The following PRTG variants were observed in gnomAD, a reference collection of about 807,000 sequenced individuals.
PRTG encodes the protein protogenin.
Under a neutral mutation model 122.5 loss-of-function variants are expected in PRTG, and 67 were observed. The ratio of observed to expected loss-of-function variants is 0.55; its 90% CI spans 0.45 to 0.67. The LOEUF (loss-of-function observed/expected upper bound fraction) is 0.67, where lower values mean the gene tolerates loss of function less well. Among genes scored for constraint, PRTG ranks in the 30% least tolerant of loss-of-function variants. The pLI is 0.00. For missense variants in PRTG, 1,435 were observed against 1,415.4 expected (o/e 1.01, Z -0.22); for synonymous variants, 554 against 501.1 (o/e 1.11, Z -1.41).
At chr15:55,728,071 G>T (rs982907813) in intron 2 of PRTG, among the ~76,000 whole-genome samples, 1 of 151,956 alleles carries the variant, frequency 6.6e-6, no homozygotes, top group Admixed American at 6.6e-5. Flanking sequence ...TCACCATGTT[G>T]CCCAGGCTGG....
chr15:55,689,026 C>T (rs1038238006), intron 2 of PRTG, among the ~76,000 whole-genome samples: 6 of 152,178 alleles, frequency 3.9e-5, no homozygotes, highest in African/African-American at 9.7e-5. Flanking sequence ...CTCCTAAACA[C>T]GTGTCAAATC....
intron 11 of PRTG, among the ~76,000 whole-genome samples, chr15:55,646,940 C>G (rs757184556): frequency 1.4e-4 from 21 of 152,194 alleles, no homozygotes; most frequent in South Asian, 6.2e-4. Context: ...CTGGTCTAAC[C>G]CTCCTTCCAA....
intron 15 of PRTG, among the ~76,000 whole-genome samples, chr15:55,630,778 C>T (rs1215026760): frequency 6.6e-6 from 1 of 152,102 alleles, no homozygotes; most frequent in Non-Finnish European, 1.5e-5. Context: ...GAAATTCAAC[C>T]AGAAAGTTGT....
chr15:55,678,249 G>A (rs374408339), intron 7 of PRTG, among the ~76,000 whole-genome samples: 3 of 152,186 alleles, frequency 2.0e-5, no homozygotes, highest in African/African-American at 7.2e-5. Context: ...TTCTGTTGTT[G>A]TTGTTTTAAA....
rs1054913932 is a variant in PRTG at position 55,614,814 on chromosome 15, T to A, written c.*5198A>T. On this transcript the variant is annotated 3_prime_UTR_variant, in exon 20 of 20. Coordinates refer to ENST00000389286, the MANE Select transcript of PRTG (RefSeq NM_173814.6). The stretch of plus-strand genomic sequence containing the variant: ...GGGGCACATGACCTCAGATTTCCAA[T>A]CTCTTTAATGCTACAGACATTTTAC... 1 of 152,222 alleles carries A rather than the reference T, an allele frequency of 6.6e-6. No individual in the cohort carries two copies. The highest frequency in any genetic ancestry group is 6.5e-5 in the Admixed American group (1 of 15,276). The allele number at this position is 152,222 out of a possible 1,614,324, so 9.4% of individuals were successfully genotyped here.
At chr15:55,640,106 G>T (rs2059281312) in intron 12 of PRTG, 1 of 315,348 alleles carries the variant, frequency 3.2e-6, no homozygotes, top group Non-Finnish European at 4.6e-6. Flanking sequence ...TTCTGTGGCT[G>T]TCAGAGTGCA....
At position 55,615,395 on chromosome 15, in the gene PRTG, C is replaced by T. The variant is rs927749957; in HGVS notation, c.*4617G>A. The T allele has an allele frequency of 1.1e-4, 17 of 152,044 alleles. No individual in the cohort carries two copies. Among genetic ancestry groups the T allele is most frequent in the African/African-American group, 4.1e-4 (17 of 41,406 alleles). 9.4% of individuals were successfully genotyped at this position (152,044 alleles called of 1,614,324 possible). A position where few individuals can be genotyped will look rare whatever the true frequency, so the allele number is the denominator to read the frequency against. ...AGACTGTCATGTTAATCTTAAACACCATCAACGGCTTAAAAAGGGAAATTG... is the reference window on the plus strand; with the variant it reads ...AGACTGTCATGTTAATCTTAAACACTATCAACGGCTTAAAAAGGGAAATTG... On this transcript the variant is annotated 3_prime_UTR_variant, in exon 20 of 20. Transcript: ENST00000389286.
chr15:55,620,381 CG>C, intron 19 of PRTG, 115 bp from the exon 20 acceptor site: 1 of 1,503,688 alleles, frequency 6.7e-7, no homozygotes, highest in South Asian at 1.4e-5. Flanking sequence ...CCGTGGCAAG[CG>C]AAGTGTCAAA....
intron 2 of PRTG, among the ~76,000 whole-genome samples, chr15:55,736,585 C>T (rs945069705): frequency 1.3e-5 from 2 of 151,948 alleles, no homozygotes; most frequent in Admixed American, 1.3e-4. Flanking sequence ...AACCTATACC[C>T]TTTTAATGGA....
intron 2 of PRTG, among the ~76,000 whole-genome samples, chr15:55,692,184 C>G (rs2059606912): frequency 6.6e-6 from 1 of 152,046 alleles, no homozygotes; most frequent in Non-Finnish European, 1.5e-5. Flanking sequence ...ATCAGTTTTT[C>G]CTTTGTTGTT....
chr15:55,693,429 C>G (rs2059615896), intron 2 of PRTG, among the ~76,000 whole-genome samples: 1 of 151,214 alleles, frequency 6.6e-6, no homozygotes. Flanking sequence ...GCTCTCCAGC[C>G]TGGGCAACAA....
At position 55,638,614 on chromosome 15, in the gene PRTG, C is replaced by T. The variant is rs750688796; in HGVS notation, c.2387G>A (p.Arg796Gln). The change falls in exon 14 of 20, where the codon CGA becomes CAA. Residue 796 changes from arginine (R) to glutamine (Q), a missense_variant. Transcript: ENST00000389286. ...ACTGGAAAGCTGATCCACATGTAATCGAACGGCAAATTCGTATTTGGTGTT... is the reference window on the plus strand; with the variant it reads ...ACTGGAAAGCTGATCCACATGTAATTGAACGGCAAATTCGTATTTGGTGTT... ...EPNTKYEFAV[R>Q]LHVDQLSSPW... is the part of the protein sequence containing the mutation. The T allele has an allele frequency of 1.8e-5, 29 of 1,613,220 alleles. No individual in the cohort carries two copies. Among genetic ancestry groups the T allele is most frequent in the East Asian group, 6.7e-5 (3 of 44,834 alleles).
intron 2 of PRTG, among the ~76,000 whole-genome samples, chr15:55,689,991 A>G (rs2141826826): frequency 6.6e-6 from 1 of 152,326 alleles, no homozygotes; most frequent in South Asian, 2.1e-4. Flanking sequence ...TTATGGCAAC[A>G]TGCGATAGTA....
chr15:55,732,219 T>G (rs566977942), intron 2 of PRTG, among the ~76,000 whole-genome samples: 44 of 152,316 alleles, frequency 2.9e-4, no homozygotes, highest in African/African-American at 1.0e-3. Context: ...GACAGAGTCT[T>G]ACTCTGTCAC....
chr15:55,657,610 G>A (rs2059387482), intron 11 of PRTG, among the ~76,000 whole-genome samples: 1 of 152,128 alleles, frequency 6.6e-6, no homozygotes, highest in African/African-American at 2.4e-5. Context: ...ATGTATCTGG[G>A]ATTTTAATTA....
intron 15 of PRTG, among the ~76,000 whole-genome samples, chr15:55,630,413 G>A (rs561505820): frequency 1.4e-4 from 22 of 152,206 alleles, no homozygotes; most frequent in South Asian, 4.2e-4. Context: ...GTGAGTCACC[G>A]CACCCAGCCT....
rs35216342 is a variant in PRTG, at chr15:55,708,148, TAAAA to T, written c.398-24221_398-24218del. Among the ~76,000 whole-genome samples, 110 of 70,006 alleles carry T rather than the reference TAAAA, an allele frequency of 1.6e-3. 1 individual carries two copies. The highest frequency in any genetic ancestry group is 4.3e-3 in the African/African-American group (69 of 15,998). 45.9% of individuals were successfully genotyped at this position (70,006 alleles called of 152,430 possible). A position where few individuals can be genotyped will look rare whatever the true frequency, so the allele number is the denominator to read the frequency against. On this transcript the variant is annotated intron_variant, in intron 2 of 19. Transcript: ENST00000389286. ...CCTGTGGAAAGGAGGAGTAAGCTGGTAAAAAAAAAAAAAAAAAAAAAAAAAAAAA... is the reference window on the plus strand; with the variant it reads ...CCTGTGGAAAGGAGGAGTAAGCTGGTAAAAAAAAAAAAAAAAAAAAAAAAA...
chr15:55,628,676 T>A, intron 16 of PRTG, 146 bp downstream of exon 16: 1 of 601,114 alleles, frequency 1.7e-6, no homozygotes, highest in South Asian at 3.5e-5. Context: ...GCCATGCAAC[T>A]CTATAACATC....
At chr15:55,644,738 T>C (rs2059310962) in intron 11 of PRTG, among the ~76,000 whole-genome samples, 1 of 152,004 alleles carries the variant, frequency 6.6e-6, no homozygotes, top group Non-Finnish European at 1.5e-5. Context: ...ATATCAGGCG[T>C]ACAAGATCCT....
Sources: allele counts gnomAD v4.1 joint callset (sites outside exome capture counted in the v4.1 genomes callset), GRCh38; gene constraint gnomAD v4.1.1; transcripts MANE v1.5; gene names NCBI Gene and HGNC (gene_info 2026-07-23, HGNC 2026-07-21).